Variants in NCAPH2 observed in about 807,000 individuals in gnomAD.
NCAPH2 encodes the protein condensin-2 complex subunit H2.
NCAPH2 carries 56 observed loss-of-function variants against 88.6 expected under a neutral mutation model. The ratio of observed to expected loss-of-function variants is 0.63; its 90% CI spans 0.51 to 0.79. The LOEUF (loss-of-function observed/expected upper bound fraction) is 0.79. Among genes scored for constraint, NCAPH2 ranks in the 30% least tolerant of loss-of-function variants. The pLI is 0.00. For missense variants in NCAPH2, 794 were observed against 792.0 expected (o/e 1.00, Z -0.03); for synonymous variants, 378 against 313.6 (o/e 1.21, Z -2.17).
At position 50,517,416 on chromosome 22, in the gene NCAPH2, C is replaced by A. The variant is rs776198405; in HGVS notation, c.211-11C>A. The A allele has an allele frequency of 6.2e-7, 1 of 1,614,000 alleles. No individual in the cohort carries two copies. The highest frequency in any genetic ancestry group is 1.1e-5 in the South Asian group (1 of 91,084). ...CTTTCTGGGTCCTCACTGCCTGCAT[C>A]TGGTCACCAGGTGGAATACCTCTAC... On this transcript the variant is annotated splice_polypyrimidine_tract_variant and intron_variant, in intron 2 of 19. Coordinates refer to ENST00000420993, the MANE Select transcript of NCAPH2 (RefSeq NM_152299.4).
chr22:50,522,878 ATCAGGGACTG>A lies in NCAPH2; in HGVS notation c.1484_1493del (p.Ile495ArgfsTer70). ...CCAGGAGACAGAGCTGAGCCAGCGC[ATCAGGGACTG>A]GGAGGACACAGTGCAGCCTCTGCTC... On this transcript the variant is annotated frameshift_variant, in exon 18 of 20. Coordinates refer to ENST00000420993, the MANE Select transcript of NCAPH2 (RefSeq NM_152299.4). LOFTEE classifies it high-confidence loss of function. 6.2e-7 allele frequency: 1 copy of A among 1,613,438 alleles called. No homozygotes were observed. Among genetic ancestry groups the A allele is most frequent in the Non-Finnish European group, 8.5e-7 (1 of 1,179,990 alleles).
chr22:50,520,124 C>T (rs1419126544), intron 9 of NCAPH2, among the ~76,000 whole-genome samples: 1 of 152,196 alleles, frequency 6.6e-6, no homozygotes, highest in African/African-American at 2.4e-5. Context: ...CCCGTCTTGG[C>T]CTCCCAAAGC....
chr22:50,523,375 A>T lies in NCAPH2; in HGVS notation c.1818A>T (p.Ter606CysextTer109). 1.3e-6 allele frequency: 2 copies of T among 1,543,408 alleles called. No individual in the cohort carries two copies. Among genetic ancestry groups the T allele is most frequent in the Non-Finnish European group, 1.7e-6 (2 of 1,143,450 alleles). The change falls in exon 20 of 20, where the codon TGA becomes TGT. Residue 606 changes from the stop codon to cysteine, a stop_lost. Coordinates refer to ENST00000420993, the MANE Select transcript of NCAPH2 (RefSeq NM_152299.4). The part of the protein sequence containing the change: ...TYAAPSMAQP[*>C] ...CTGCCCCCTCCATGGCCCAGCCCTG[A>T]GTGGGGAGCACCGAGGCAGGGGTGG...
rs1208508441 is a variant in NCAPH2 at position 50,524,591 on chromosome 22, A to C, written c.*1216A>C. On this transcript the variant is annotated 3_prime_UTR_variant, in exon 20 of 20. Transcript: ENST00000420993. ...GAGCTCAGAACTCCACCTCCACCAA[A>C]CATCCACACCTGGGCAACCACACCT... 7 of 724,924 alleles carry C rather than the reference A, an allele frequency of 9.7e-6. No homozygotes were observed. The highest frequency in any genetic ancestry group is 1.5e-5 in the Non-Finnish European group (6 of 394,564). The allele number at this position is 724,924 out of a possible 1,614,324, so 44.9% of individuals were successfully genotyped here. A position where few individuals can be genotyped will look rare whatever the true frequency, so the allele number is the denominator to read the frequency against.
chr22:50,523,957 T>TCCAGCTGCCGCA lies in NCAPH2; in HGVS notation c.*586_*597dup. 6.2e-7 allele frequency: 1 copy of TCCAGCTGCCGCA among 1,612,376 alleles called. No individual in the cohort carries two copies. Among genetic ancestry groups the TCCAGCTGCCGCA allele is most frequent in the Admixed American group, 1.7e-5 (1 of 60,016 alleles). ...CACTGGAGGCAAACCAGGCTCTGCT[T>TCCAGCTGCCGCA]CCAGCTGCCGCACCACCTGCACCAG... On this transcript the variant is annotated 3_prime_UTR_variant, in exon 20 of 20. Transcript: ENST00000420993.
rs1029801477 is a variant in NCAPH2, at chr22:50,508,376, G to A, written c.39G>A (p.Gln13=). The A allele has an allele frequency of 1.4e-6, 2 of 1,480,194 alleles. No homozygotes were observed. The highest frequency in any genetic ancestry group is 1.5e-5 in the African/African-American group (1 of 67,556). 91.7% of individuals were successfully genotyped at this position (1,480,194 alleles called of 1,614,324 possible). ...AGGCGCGCTTCGCCCACCTCTTGCA[G>A]CCCATCCGCGACCTCACCAAGAACT... ...DVEARFAHLL[Q]PIRDLTKNWE... Residue 13 remains glutamine, a synonymous_variant, in exon 1 of 20, where the codon CAG becomes CAA. Transcript: ENST00000420993.
Position 50,523,422 on chromosome 22 carries a change from G to C in NCAPH2, c.*47G>C, listed in dbSNP as rs777188723. 5.2e-6 allele frequency: 8 copies of C among 1,525,768 alleles called. No individual in the cohort carries two copies. The highest frequency in any genetic ancestry group is 7.0e-6 in the Non-Finnish European group (8 of 1,135,676). 94.5% of individuals were successfully genotyped at this position (1,525,768 alleles called of 1,614,324 possible). On this transcript the variant is annotated 3_prime_UTR_variant, in exon 20 of 20. Transcript: ENST00000420993. ...GTGGGGGAATGTGTACTGAGGAGCCGTGTGTCTGCTCCTGGCTGGCCCGGC... is the reference window on the plus strand; with the variant it reads ...GTGGGGGAATGTGTACTGAGGAGCCCTGTGTCTGCTCCTGGCTGGCCCGGC...
chr22:50,519,444 C>T, intron 9 of NCAPH2, 124 bp downstream of exon 9: 1 of 1,465,846 alleles, frequency 6.8e-7, no homozygotes, highest in Non-Finnish European at 9.0e-7. Context: ...TGGTCTGGGG[C>T]AGAAGCCCAC....
intron 1 of NCAPH2, among the ~76,000 whole-genome samples, chr22:50,509,242 C>G (rs775058171): frequency 6.6e-6 from 1 of 152,090 alleles, no homozygotes; most frequent in Admixed American, 6.6e-5. Context: ...TTAAATATTG[C>G]CTGTATTAGG....
chr22:50,517,306 T>G, intron 2 of NCAPH2, 121 bp from the exon 3 acceptor site: 3 of 994,508 alleles, frequency 3.0e-6, no homozygotes, highest in Middle Eastern at 2.6e-4. Flanking sequence ...ATTGGTGGTT[T>G]CTTGTACTGG....
chr22:50,522,486 C>T lies in NCAPH2; in HGVS notation c.1307-15C>T. ...TAGCTGCCTGCGTGCTGTTCACTCT[C>T]CCACCTCCCAGCAGATGACTTTCTA... On this transcript the variant is annotated splice_polypyrimidine_tract_variant and intron_variant, in intron 15 of 19. Coordinates refer to ENST00000420993, the MANE Select transcript of NCAPH2 (RefSeq NM_152299.4). 5 of 1,613,696 alleles carry T rather than the reference C, an allele frequency of 3.1e-6. No individual in the cohort carries two copies. Among genetic ancestry groups the T allele is most frequent in the Non-Finnish European group, 4.2e-6 (5 of 1,179,992 alleles).
Position 50,521,765 on chromosome 22 carries a change from G to A in NCAPH2, c.1025G>A (p.Cys342Tyr). 1 of 1,613,966 alleles carries A rather than the reference G, an allele frequency of 6.2e-7. No homozygotes were observed. Among genetic ancestry groups the A allele is most frequent in the Non-Finnish European group, 8.5e-7 (1 of 1,180,034 alleles). ...KKGRPYSVPP[C>Y]VEEALGQKRK... ...GGTAGGCCTTACTCTGTGCCCCCCT[G>A]TGTGGAGGAGGCTCTGGGACAGAAG... is the stretch of plus-strand genomic sequence containing the variant. Residue 342 changes from cysteine (C) to tyrosine (Y), a missense_variant, in exon 12 of 20, where the codon TGT becomes TAT. This residue lies in a region of NCAPH2 where 735 missense variants were observed against 696.3 expected (regional missense o/e 1.06). Coordinates refer to ENST00000420993, the MANE Select transcript of NCAPH2 (RefSeq NM_152299.4).
chr22:50,523,879 G>T lies in NCAPH2; in HGVS notation c.*504G>T. 6.2e-7 allele frequency: 1 copy of T among 1,613,936 alleles called. No homozygotes were observed. Among genetic ancestry groups the T allele is most frequent in the Non-Finnish European group, 8.5e-7 (1 of 1,180,034 alleles). ...TGGGTGGAAGTCCTGGACGTAGCGG[G>T]CCATGGCTTCAACGTCGTCCCGCTC... On this transcript the variant is annotated 3_prime_UTR_variant, in exon 20 of 20. Transcript: ENST00000420993.
Position 50,523,226 on chromosome 22 carries a change from C to T in NCAPH2, c.1678-9C>T, listed in dbSNP as rs989238987. Reference sequence around the variant, plus strand: ...GTCCCCAGACCCTGCTGATGTGCCACCCCTGCAGGCCAATGACTACACAGT... The same window carrying T: ...GTCCCCAGACCCTGCTGATGTGCCATCCCTGCAGGCCAATGACTACACAGT... On this transcript the variant is annotated splice_polypyrimidine_tract_variant and intron_variant, in intron 19 of 19. Transcript: ENST00000420993. 5 of 1,613,340 alleles carry T rather than the reference C, an allele frequency of 3.1e-6. No individual in the cohort carries two copies. Among genetic ancestry groups the T allele is most frequent in the Non-Finnish European group, 4.2e-6 (5 of 1,179,848 alleles).
chr22:50,522,719 T>C lies in NCAPH2; in HGVS notation c.1424T>C (p.Val475Ala), dbSNP rs1466962896. The C allele has an allele frequency of 1.9e-6, 3 of 1,613,344 alleles. No individual in the cohort carries two copies. The South Asian group carries it at 3.3e-5, about 18-fold the overall frequency. ...TACGAGGAGCTGGTTCGAAGGAATG[T>C]GGTAGGCCTGGGTTAGAGGGAGACG... ...LSYEELVRRNVELFIATSQKF... is the reference protein window; with the variant it reads ...LSYEELVRRNAELFIATSQKF... Residue 475 changes from valine to alanine, a missense_variant and splice_region_variant, in exon 17 of 20, where the codon GTG becomes GCG. By Grantham distance (64) the Val-to-Ala change is moderately conservative. Around this residue, in one of 2 missense-constraint regions of NCAPH2, gnomAD observed 735 missense variants for 696.3 expected, o/e 1.06. Transcript: ENST00000420993.
chr22:50,515,679 A>C (rs1402353517), intron 1 of NCAPH2: 6 of 1,259,032 alleles, frequency 4.8e-6, no homozygotes, highest in Non-Finnish European at 6.2e-6. Flanking sequence ...TACAGGTGTG[A>C]GCCACCGCAC....
In NCAPH2 at chr22:50,523,608, G is replaced by A. The variant is rs2148670576; in HGVS notation, c.*233G>A. 2 of 1,613,114 alleles carry A rather than the reference G, an allele frequency of 1.2e-6. No homozygotes were observed. The highest frequency in any genetic ancestry group is 4.5e-5 in the East Asian group (2 of 44,882). ...TTAATGATGGGGCCCAGACTGCAGT[G>A]GCTCAAGACAGGACACTGCGGAAAG... is the stretch of plus-strand genomic sequence containing the variant. On this transcript the variant is annotated 3_prime_UTR_variant, in exon 20 of 20. Transcript: ENST00000420993.
chr22:50,520,905 G>A lies in NCAPH2; in HGVS notation c.862-60G>A, dbSNP rs111291284. On this transcript the variant is annotated intron_variant, in intron 9 of 19. Transcript: ENST00000420993. Reference sequence around the variant, plus strand: ...GTTAACCCAAGGTGGAGTTCCTGGGGTACCCAGAGCCTTGAGGGGAGAAAG... The same window carrying A: ...GTTAACCCAAGGTGGAGTTCCTGGGATACCCAGAGCCTTGAGGGGAGAAAG... 57 of 1,537,736 alleles carry A rather than the reference G, an allele frequency of 3.7e-5. 1 individual carries two copies. The African/African-American group carries it at 5.6e-4, about 15-fold the overall frequency.
At chr22:50,513,749 G>A (rs1009417525) in intron 1 of NCAPH2, among the ~76,000 whole-genome samples, 7 of 152,112 alleles carry the variant, frequency 4.6e-5, no homozygotes, top group Admixed American at 1.3e-4. Context: ...ACAACAGAGC[G>A]AGAGACTGTC....
Sources: gnomAD v4.1 joint callset for allele counts (sites outside exome capture counted in the v4.1 genomes callset) on GRCh38, gnomAD v4.1.1 for gene constraint, gnomAD v4.1.1 regional missense constraint, MANE v1.5 for transcripts, NCBI Gene and HGNC (gene_info 2026-07-23, HGNC 2026-07-21) for gene names.